The following ZFHX3 variants were observed in gnomAD, a reference collection of about 807,000 sequenced individuals.
ZFHX3 encodes the protein zinc finger homeobox protein 3.
Under a neutral mutation model 279.1 loss-of-function variants are expected in ZFHX3, and 42 were observed. The observed-to-expected ratio is 0.15, with a 90% CI of 0.12 to 0.19. The LOEUF (loss-of-function observed/expected upper bound fraction) is 0.19, where lower values mean the gene tolerates loss of function less well. Ranked by LOEUF, ZFHX3 falls within the 10% of genes least tolerant of loss-of-function variation. ZFHX3 has a pLI of 1.00. For missense variants in ZFHX3, 4,981 were observed against 4,754.0 expected, an observed-to-expected ratio of 1.05 and a Z score of -1.40; for synonymous variants, 2,293 against 1,957.8, an observed-to-expected ratio of 1.17 and a Z score of -4.52.
chr16:72,933,070 T>A lies in ZFHX3; in HGVS notation c.3216+17399A>T, dbSNP rs575440122. On this transcript the variant is annotated intron_variant, in intron 3 of 9. Transcript: ENST00000268489. ...GACATCCTATCTTAAATTTTTCTAG[T>A]CTGCAGCACCCACTGAGCCCCACTC... 7.0e-4 allele frequency among the ~76,000 whole-genome samples: 106 copies of A among 152,214 alleles called. 1 individual carries two copies. The highest frequency in any genetic ancestry group is 1.2e-3 in the Non-Finnish European group (81 of 68,004).
intron 2 of ZFHX3, among the ~76,000 whole-genome samples, chr16:73,659,758 C>G (rs1438779878): frequency 1.3e-5 from 2 of 152,136 alleles, no homozygotes; most frequent in African/African-American, 4.8e-5. Context: ...GTATACTCAT[C>G]TGGGCGTATA....
chr16:73,088,909 T>C (rs1966040422), intron 8 of ZFHX3, among the ~76,000 whole-genome samples: 1 of 151,876 alleles, frequency 6.6e-6, no homozygotes, highest in African/African-American at 2.4e-5. Flanking sequence ...GTATCCATGG[T>C]GGGGGTCCAG....
chr16:73,453,800 A>T (rs1256818137), intron 3 of ZFHX3, among the ~76,000 whole-genome samples: 2 of 152,250 alleles, frequency 1.3e-5, no homozygotes, highest in African/African-American at 4.8e-5. Flanking sequence ...ATGGCGGCAG[A>T]TAAGAGAATT....
At chr16:72,897,819 G>T (rs2038935236) in intron 3 of ZFHX3, among the ~76,000 whole-genome samples, 1 of 152,154 alleles carries the variant, frequency 6.6e-6, no homozygotes, top group Non-Finnish European at 1.5e-5. Context: ...GGAGCCCAAA[G>T]CTCAAAGAAG....
At chr16:73,395,810 G>T (rs185801608) in intron 3 of ZFHX3, among the ~76,000 whole-genome samples, 62 of 152,130 alleles carry the variant, frequency 4.1e-4, no homozygotes, top group Non-Finnish European at 8.1e-4. Flanking sequence ...CCCAGGGATG[G>T]TATACAAGTC....
chr16:73,657,935 A>G (rs574620220), intron 2 of ZFHX3, among the ~76,000 whole-genome samples: 63 of 152,340 alleles, frequency 4.1e-4, no homozygotes, highest in African/African-American at 1.5e-3. Context: ...TTCTATGAAC[A>G]CTTACTTTTC....
At chr16:73,856,194 G>A (rs12599353) in intron 1 of ZFHX3, among the ~76,000 whole-genome samples, 45,812 of 152,062 alleles carry the variant, frequency 0.3, 8,512 homozygotes, top group Non-Finnish European at 0.41. Context: ...ACTCTTTAAT[G>A]TTGGCAGTGA....
chr16:72,997,339 C>G (rs1963335942), intron 1 of ZFHX3, among the ~76,000 whole-genome samples: 1 of 152,196 alleles, frequency 6.6e-6, no homozygotes, highest in African/African-American at 2.4e-5. Flanking sequence ...TGAGCAACAG[C>G]TGCCTTCCTT....
At chr16:73,020,255 C>A (rs1205680778) in intron 1 of ZFHX3, among the ~76,000 whole-genome samples, 1 of 152,192 alleles carries the variant, frequency 6.6e-6, no homozygotes, top group African/African-American at 2.4e-5. Context: ...GCAAACTTTA[C>A]ATTGGCAGAA....
intron 1 of ZFHX3, among the ~76,000 whole-genome samples, chr16:73,723,197 A>G (rs1015685871): frequency 6.6e-6 from 1 of 152,186 alleles, no homozygotes; most frequent in African/African-American, 2.4e-5. Flanking sequence ...GTGCTTTACA[A>G]ATGGCTAAGG....
chr16:72,950,789 T>C lies in ZFHX3; in HGVS notation c.2896A>G (p.Asn966Asp), dbSNP rs775355951. 1 of 1,614,206 alleles carries C rather than the reference T, an allele frequency of 6.2e-7. No individual in the cohort carries two copies. The highest frequency in any genetic ancestry group is 8.5e-7 in the Non-Finnish European group (1 of 1,180,040). Residue 966 changes from asparagine to aspartate, a missense_variant, in exon 3 of 10, where the codon AAC becomes GAC. Coordinates refer to ENST00000268489, the MANE Select transcript of ZFHX3 (RefSeq NM_006885.4). Reference sequence around the variant, plus strand: ...TCCTCCGACAGGCTGCGCTCCACGTTCATGTGCAGGCCCAGCATGTCCAGG... The same window carrying C: ...TCCTCCGACAGGCTGCGCTCCACGTCCATGTGCAGGCCCAGCATGTCCAGG... ...DNLDMLGLHM[N>D]VERSLSEDEW...
intron 1 of ZFHX3, among the ~76,000 whole-genome samples, chr16:73,768,930 C>G (rs559569074): frequency 6.6e-6 from 1 of 152,092 alleles, no homozygotes; most frequent in African/African-American, 2.4e-5. Context: ...TACTTTATCT[C>G]GCCAAACACA....
At chr16:73,238,954 C>G (rs1351022951) in intron 5 of ZFHX3, among the ~76,000 whole-genome samples, 2 of 152,128 alleles carry the variant, frequency 1.3e-5, no homozygotes, top group Non-Finnish European at 1.5e-5. Context: ...GGGTTACGTG[C>G]TACTGCAAGA....
chr16:73,557,700 C>G (rs756259425), intron 2 of ZFHX3, among the ~76,000 whole-genome samples: 1 of 152,126 alleles, frequency 6.6e-6, no homozygotes, highest in African/African-American at 2.4e-5. Context: ...GGCTTCTTTA[C>G]TGCGAACTGT....
chr16:73,270,596 T>C (rs1161421835), intron 4 of ZFHX3, among the ~76,000 whole-genome samples: 1 of 152,134 alleles, frequency 6.6e-6, no homozygotes, highest in African/African-American at 2.4e-5. Flanking sequence ...TTTGTGCCTG[T>C]CTAGTGGGAG....
At chr16:73,890,240 C>CA (rs59693506) in intron 1 of ZFHX3, among the ~76,000 whole-genome samples, 3,533 of 130,000 alleles carry the variant, frequency 0.027, 99 homozygotes, top group East Asian at 0.15. Flanking sequence ...AAAAAAAAAC[C>CA]AAAAAAAAAA....
At chr16:73,143,530 T>C (rs908594876) in intron 6 of ZFHX3, among the ~76,000 whole-genome samples, 1 of 152,218 alleles carries the variant, frequency 6.6e-6, no homozygotes, top group African/African-American at 2.4e-5. Flanking sequence ...CCCACTTTTC[T>C]AACTAGAGAA....
intron 2 of ZFHX3, among the ~76,000 whole-genome samples, chr16:73,673,476 C>G (rs973752192): frequency 6.6e-6 from 1 of 152,008 alleles, no homozygotes; most frequent in Non-Finnish European, 1.5e-5. Context: ...ATTCTCTTCC[C>G]CCTCCCAGGC....
At chr16:72,812,078 C>G (rs748629306) in intron 5 of ZFHX3, 40 bp from the exon 6 acceptor site, 2 of 1,604,156 alleles carry the variant, frequency 1.2e-6, no homozygotes, top group African/African-American at 2.7e-5. Context: ...GCAGCCAGAC[C>G]AGGCCAGCTC....
Sources: gnomAD v4.1 joint callset for allele counts (sites outside exome capture counted in the v4.1 genomes callset) on GRCh38, gnomAD v4.1.1 for gene constraint, MANE v1.5 for transcripts, NCBI Gene and HGNC (gene_info 2026-07-23, HGNC 2026-07-21) for gene names.